The following CAPN5 variants were observed in gnomAD, a reference collection of about 807,000 sequenced individuals.
CAPN5 encodes calpain 5.
Under a neutral mutation model 73.0 loss-of-function variants are expected in CAPN5, and 54 were observed. The ratio of observed to expected loss-of-function variants is 0.74; its 90% CI spans 0.59 to 0.93. The LOEUF (loss-of-function observed/expected upper bound fraction) is 0.93, where lower values mean the gene tolerates loss of function less well. Among genes scored for constraint, CAPN5 ranks in the 40% least tolerant of loss-of-function variants. The probability of loss-of-function intolerance (pLI) is 0.00; values close to 1 mark genes in which losing one functional copy is unlikely to be tolerated. For missense variants in CAPN5, 785 were observed against 882.9 expected (o/e 0.89, Z 1.41); for synonymous variants, 335 against 356.9 (o/e 0.94, Z 0.69).
chr11:77,098,298 C>T (rs1950237139), intron 3 of CAPN5, among the ~76,000 whole-genome samples: 1 of 111,204 alleles, frequency 9.0e-6, no homozygotes, highest in African/African-American at 3.7e-5. Context: ...CACCTCCCTC[C>T]CGGACGGGGC....
In CAPN5 at chr11:77,084,898, T is replaced by C; in HGVS notation, c.12T>C (p.Cys4=). MFS[C]VKPYEDQNYS... Reference sequence around the variant, plus strand: ...GGGCAGCAGCCACCATGTTCTCGTGTGTGAAGCCCTATGAGGACCAGAACT... The same window carrying C: ...GGGCAGCAGCCACCATGTTCTCGTGCGTGAAGCCCTATGAGGACCAGAACT... The change falls in exon 2 of 13, where the codon TGT becomes TGC. Residue 4 remains cysteine (C), a synonymous_variant. Coordinates refer to ENST00000648180, the MANE Select transcript of CAPN5 (RefSeq NM_004055.5). 6.2e-7 allele frequency: 1 copy of C among 1,614,056 alleles called. No homozygotes were observed. The highest frequency in any genetic ancestry group is 8.5e-7 in the Non-Finnish European group (1 of 1,180,024).
intron 3 of CAPN5, among the ~76,000 whole-genome samples, chr11:77,098,974 G>A (rs1555038191): frequency 9.7e-5 from 3 of 30,908 alleles, no homozygotes; most frequent in African/African-American, 1.9e-4. Flanking sequence ...CTTCTCAGAC[G>A]GGGTGGTTGC....
rs12271073 is a variant in CAPN5, at chr11:77,072,916, G to A, written c.-36+5822G>A. The A allele has an allele frequency of 1.1e-3, 402 of 364,160 alleles. 1 individual carries two copies. Among genetic ancestry groups the A allele is most frequent in the African/African-American group, 8.1e-3 (380 of 47,142 alleles). 22.6% of individuals were successfully genotyped at this position (364,160 alleles called of 1,614,324 possible). A position where few individuals can be genotyped will look rare whatever the true frequency, so the allele number is the denominator to read the frequency against. On this transcript the variant is annotated intron_variant, in intron 1 of 12. Transcript: ENST00000648180. ...CGAGAGCCTGTGGCCAGAGAGGGCAGGAGCTTTCCTGGGCTCACACAGCAC... is the reference window on the plus strand; with the variant it reads ...CGAGAGCCTGTGGCCAGAGAGGGCAAGAGCTTTCCTGGGCTCACACAGCAC...
intron 1 of CAPN5, among the ~76,000 whole-genome samples, chr11:77,076,584 A>T (rs545422516): frequency 3.3e-5 from 5 of 152,292 alleles, no homozygotes; most frequent in African/African-American, 9.6e-5. Flanking sequence ...TTCAACTTTT[A>T]AAAAATTCCA....
chr11:77,097,402 C>T (rs1950221243), intron 3 of CAPN5, among the ~76,000 whole-genome samples: 1 of 148,980 alleles, frequency 6.7e-6, no homozygotes, highest in Non-Finnish European at 1.5e-5. Flanking sequence ...TGTACAAAGT[C>T]ACTTAAGGCT....
At chr11:77,084,665 G>C (rs1950062584) in intron 1 of CAPN5, among the ~76,000 whole-genome samples, 187 bp from the exon 2 acceptor site, 1 of 152,200 alleles carries the variant, frequency 6.6e-6, no homozygotes, top group Admixed American at 6.5e-5. Context: ...AGAGAATCCA[G>C]TCTATGGAGT....
chr11:77,110,676 G>T (rs1555040633), intron 3 of CAPN5, among the ~76,000 whole-genome samples: 2 of 152,210 alleles, frequency 1.3e-5, no homozygotes, highest in East Asian at 1.9e-4. Flanking sequence ...ACCCAACAGG[G>T]CTCCATTAGG....
In CAPN5 at chr11:77,103,311, G is replaced by A. The variant is rs781913420; in HGVS notation, c.298-9278G>A. ...GGAGCCCGCCAACCTCAAGGCCTCCGTGGTTTTTAACCAGCTCTGACAGCA... is the reference window on the plus strand; with the variant it reads ...GGAGCCCGCCAACCTCAAGGCCTCCATGGTTTTTAACCAGCTCTGACAGCA... On this transcript the variant is annotated intron_variant, in intron 3 of 12. Coordinates refer to ENST00000648180, the MANE Select transcript of CAPN5 (RefSeq NM_004055.5). 16 of 1,610,528 alleles carry A rather than the reference G, an allele frequency of 9.9e-6. No individual in the cohort carries two copies. The highest frequency in any genetic ancestry group is 1.7e-4 in the Middle Eastern group (1 of 6,054).
At chr11:77,115,140 G>A (rs1419549992) in intron 5 of CAPN5, among the ~76,000 whole-genome samples, 7 of 152,070 alleles carry the variant, frequency 4.6e-5, no homozygotes, top group South Asian at 2.1e-4. Flanking sequence ...AAATATTCCC[G>A]AATATTTAAC....
chr11:77,103,238 C>T, intron 3 of CAPN5: 1 of 1,613,616 alleles, frequency 6.2e-7, no homozygotes. Flanking sequence ...CGGACCTGGC[C>T]AAGATCCGCA....
At chr11:77,071,224 C>T (rs1398034248) in intron 1 of CAPN5, among the ~76,000 whole-genome samples, 2 of 152,210 alleles carry the variant, frequency 1.3e-5, no homozygotes, top group African/African-American at 4.8e-5. Context: ...CCCCTCCAGC[C>T]TGGGAGCCTT....
intron 3 of CAPN5, among the ~76,000 whole-genome samples, chr11:77,098,831 C>G (rs1198531486): frequency 3.9e-4 from 53 of 134,478 alleles, no homozygotes; most frequent in African/African-American, 1.6e-3. Context: ...GGGGGGCTGA[C>G]CCCCCCCACC....
chr11:77,103,347 G>T, intron 3 of CAPN5: 1 of 1,599,952 alleles, frequency 6.3e-7, no homozygotes. Flanking sequence ...GCTGCCAGCT[G>T]CTGCTCTCCT....
intron 10 of CAPN5, 67 bp downstream of exon 10, chr11:77,120,976 C>T (rs1457015339): frequency 6.8e-7 from 1 of 1,468,668 alleles, no homozygotes; most frequent in African/African-American, 1.4e-5. Flanking sequence ...AACCAGGAAC[C>T]TGCAGCCTCA....
chr11:77,119,451 G>A, intron 9 of CAPN5: 1 of 374,336 alleles, frequency 2.7e-6, no homozygotes, highest in Non-Finnish European at 5.0e-6. Context: ...GTTGGGGCCG[G>A]GCCCTGGGAG....
In CAPN5 at chr11:77,107,726, G is replaced by A. The variant is rs558322017; in HGVS notation, c.298-4863G>A. ...CACATCCCAGGGGGTTATCAGGGAG[G>A]CGGCAGATCCTGCCAGTCCTTGCCT... On this transcript the variant is annotated intron_variant, in intron 3 of 12. Coordinates refer to ENST00000648180, the MANE Select transcript of CAPN5 (RefSeq NM_004055.5). Among the ~76,000 whole-genome samples the A allele has an allele frequency of 9.2e-5, 14 of 152,298 alleles. No homozygotes were observed. In the South Asian group the frequency reaches 1.2e-3, roughly 14 times the overall value.
chr11:77,094,966 T>C (rs1950192581), intron 3 of CAPN5, among the ~76,000 whole-genome samples: 3 of 152,196 alleles, frequency 2.0e-5, no homozygotes. Flanking sequence ...GCTGAGACTC[T>C]GGTAGGTGTC....
intron 3 of CAPN5, among the ~76,000 whole-genome samples, chr11:77,094,738 A>C (rs1328463061): frequency 3.3e-5 from 5 of 152,166 alleles, no homozygotes; most frequent in Admixed American, 2.6e-4. Context: ...AATAAGGACA[A>C]TCGGAGTAGC....
chr11:77,118,288 A>G lies in CAPN5; in HGVS notation c.1103A>G (p.Asp368Gly). 6.2e-7 allele frequency: 1 copy of G among 1,613,552 alleles called. No individual in the cohort carries two copies. Among genetic ancestry groups the G allele is most frequent in the Non-Finnish European group, 8.5e-7 (1 of 1,179,850 alleles). Residue 368 changes from aspartate to glycine, a missense_variant, in exon 8 of 13, where the codon GAC becomes GGC. Asp to Gly is a moderately conservative substitution (Grantham distance 94, BLOSUM62 -1). Coordinates refer to ENST00000648180, the MANE Select transcript of CAPN5 (RefSeq NM_004055.5). Reference sequence around the variant, plus strand: ...CATGGCGCCTGGACGCTGCATGAGGACCCGCGACAGAACCGCGGTGGCGGC... The same window carrying G: ...CATGGCGCCTGGACGCTGCATGAGGGCCCGCGACAGAACCGCGGTGGCGGC... ...RLHGAWTLHEDPRQNRGGGCI... is the reference protein window; with the variant it reads ...RLHGAWTLHEGPRQNRGGGCI...
Sources: gnomAD v4.1 joint callset for allele counts (sites outside exome capture counted in the v4.1 genomes callset) on GRCh38, gnomAD v4.1.1 for gene constraint, MANE v1.5 for transcripts, NCBI Gene and HGNC (gene_info 2026-07-23, HGNC 2026-07-21) for gene names.